The following KCNJ8 variants were observed in gnomAD, a reference collection of about 807,000 sequenced individuals.
KCNJ8 encodes the protein ATP-sensitive inward rectifier potassium channel 8.
KCNJ8 carries 13 observed loss-of-function variants against 28.2 expected under a neutral mutation model. The observed-to-expected ratio is 0.46, with a 90% confidence interval of 0.30 to 0.73. The LOEUF (loss-of-function observed/expected upper bound fraction) is 0.73. KCNJ8 is among the 30% of genes least tolerant of loss of function. The probability of loss-of-function intolerance (pLI) is 0.07; values close to 1 mark genes in which losing one functional copy is unlikely to be tolerated. For missense variants in KCNJ8, 284 were observed against 542.6 expected, an observed-to-expected ratio of 0.52 and a Z score of 4.73; for synonymous variants, 188 against 195.9, an observed-to-expected ratio of 0.96 and a Z score of 0.34.
chr12:21,771,889 A>T (rs1415510000), intron 2 of KCNJ8, among the ~76,000 whole-genome samples: 2 of 152,166 alleles, frequency 1.3e-5, no homozygotes, highest in Non-Finnish European at 2.9e-5. Flanking sequence ...TGTTTTCTTT[A>T]TATCTGGTAT....
In KCNJ8 at chr12:21,765,524, C is replaced by CA; in HGVS notation, c.*198dup. 1 of 617,476 alleles carries CA rather than the reference C, an allele frequency of 1.6e-6. No individual in the cohort carries two copies. Among genetic ancestry groups the CA allele is most frequent in the Non-Finnish European group, 2.9e-6 (1 of 346,912 alleles). The allele number at this position is 617,476 out of a possible 1,614,324, so 38.2% of individuals were successfully genotyped here. A position where few individuals can be genotyped will look rare whatever the true frequency, so the allele number is the denominator to read the frequency against. On this transcript the variant is annotated 3_prime_UTR_variant, in exon 3 of 3. Coordinates refer to ENST00000240662, the MANE Select transcript of KCNJ8 (RefSeq NM_004982.4). ...CACTGCGAATTCTACATGTATGAAACAAGCATAAGCCATGAATCCTCCACT... is the reference window on the plus strand; with the variant it reads ...CACTGCGAATTCTACATGTATGAAACAAAGCATAAGCCATGAATCCTCCACT...
In KCNJ8 at chr12:21,764,999, T is replaced by C. The variant is rs546947894; in HGVS notation, c.*724A>G. On this transcript the variant is annotated 3_prime_UTR_variant, in exon 3 of 3. Transcript: ENST00000240662. ...TAAAATATTCAATACAGTATTTCCC[T>C]GTGGGGATTCTAGAAGAAGAAGTGA... 3 of 153,132 alleles carry C rather than the reference T, an allele frequency of 2.0e-5. No individual in the cohort carries two copies. The highest frequency in any genetic ancestry group is 4.4e-5 in the Non-Finnish European group (3 of 68,650). 9.5% of individuals were successfully genotyped at this position (153,132 alleles called of 1,614,324 possible). A position where few individuals can be genotyped will look rare whatever the true frequency, so the allele number is the denominator to read the frequency against.
chr12:21,770,827 G>GA (rs1565660922), intron 2 of KCNJ8, among the ~76,000 whole-genome samples: 1 of 152,096 alleles, frequency 6.6e-6, no homozygotes, highest in Non-Finnish European at 1.5e-5. Flanking sequence ...TAACTTTATA[G>GA]AAGACAAGCC....
chr12:21,765,398 G>T lies in KCNJ8; in HGVS notation c.*325C>A. Reference sequence around the variant, plus strand: ...AGCATTTCAAACAGACTCATTTCTTGACCAAATTTTGTGCTCAAGGCCTGT... The same window carrying T: ...AGCATTTCAAACAGACTCATTTCTTTACCAAATTTTGTGCTCAAGGCCTGT... On this transcript the variant is annotated 3_prime_UTR_variant, in exon 3 of 3. Coordinates refer to ENST00000240662, the MANE Select transcript of KCNJ8 (RefSeq NM_004982.4). The T allele has an allele frequency of 2.6e-6, 1 of 389,072 alleles. No homozygotes were observed. The allele number at this position is 389,072 out of a possible 1,614,324, so 24.1% of individuals were successfully genotyped here. A position where few individuals can be genotyped will look rare whatever the true frequency, so the allele number is the denominator to read the frequency against.
Position 21,773,309 on chromosome 12 carries a change from G to C in KCNJ8, c.308C>G (p.Ala103Gly). The change falls in exon 2 of 3, where the codon GCT becomes GGT. Residue 103 changes from alanine (A) to glycine (G), a missense_variant. Ala to Gly is a moderately conservative substitution (Grantham distance 60). Coordinates refer to ENST00000240662, the MANE Select transcript of KCNJ8 (RefSeq NM_004982.4). The surrounding 1 kb of genome is among the most constrained non-coding windows in gnomAD (Gnocchi z 4.6). ...LVAFAHGDIY[A>G]YMEKSGMEKS... ...CTCCATTCCACTTTTCTCCATGTAAGCATAGATGTCCCCATGGGCAAAGGC... is the reference window on the plus strand; with the variant it reads ...CTCCATTCCACTTTTCTCCATGTAACCATAGATGTCCCCATGGGCAAAGGC... The C allele has an allele frequency of 6.2e-7, 1 of 1,614,078 alleles. No individual in the cohort carries two copies. The highest frequency in any genetic ancestry group is 8.5e-7 in the Non-Finnish European group (1 of 1,179,996).
chr12:21,769,340 G>C (rs1803214226), intron 2 of KCNJ8, among the ~76,000 whole-genome samples: 2 of 151,874 alleles, frequency 1.3e-5, no homozygotes, highest in African/African-American at 4.9e-5. Flanking sequence ...CCACTGCTGA[G>C]ACTTACTGCT....
intron 2 of KCNJ8, among the ~76,000 whole-genome samples, chr12:21,771,943 A>C (rs960550726): frequency 1.3e-5 from 2 of 152,186 alleles, no homozygotes; most frequent in African/African-American, 4.8e-5. Context: ...TTGAGACAAC[A>C]GTTTGTGAGA....
Position 21,766,234 on chromosome 12 carries a change from T to C in KCNJ8, c.764A>G (p.Glu255Gly). The C allele has an allele frequency of 6.2e-7, 1 of 1,614,104 alleles. No individual in the cohort carries two copies. The highest frequency in any genetic ancestry group is 8.5e-7 in the Non-Finnish European group (1 of 1,180,018). Reference sequence around the variant, plus strand: ...GGCCACCAGAAAAATGTTATTGCTCTCGATTGGGTTATCAACAGGAATGTC... The same window carrying C: ...GGCCACCAGAAAAATGTTATTGCTCCCGATTGGGTTATCAACAGGAATGTC... The part of the protein sequence containing the change: ...QLDIPVDNPI[E>G]SNNIFLVAPL... Residue 255 changes from glutamate to glycine, a missense_variant, in exon 3 of 3, where the codon GAG becomes GGG. Around this residue, in one of 8 missense-constraint regions of KCNJ8, gnomAD observed 107 missense variants for 235.6 expected, o/e 0.45. Transcript: ENST00000240662. The surrounding 1 kb of genome is among the most constrained non-coding windows in gnomAD (Gnocchi z 6.5).
rs1940799941 is a variant in KCNJ8, at chr12:21,773,153, C to CA, written c.374+89dup. On this transcript the variant is annotated intron_variant, in intron 2 of 2. Transcript: ENST00000240662. This position sits in a 1 kb window ranked among gnomAD's most constrained non-coding sequence, Gnocchi z 4.6. ...TAAAACAAACCCTTTATTTCACTTT[C>CA]AATTAAATAACAGAATGATAAGAGA... The CA allele has an allele frequency of 7.0e-7, 1 of 1,433,680 alleles. No homozygotes were observed. Among genetic ancestry groups the CA allele is most frequent in the Non-Finnish European group, 9.7e-7 (1 of 1,029,506 alleles). The allele number at this position is 1,433,680 out of a possible 1,614,324, so 88.8% of individuals were successfully genotyped here.
At chr12:21,769,010 A>C (rs1940699149) in intron 2 of KCNJ8, among the ~76,000 whole-genome samples, 1 of 152,232 alleles carries the variant, frequency 6.6e-6, no homozygotes, top group Admixed American at 6.5e-5. Flanking sequence ...GAAAATTAGT[A>C]AAGGTGGCTG....
intron 1 of KCNJ8, 101 bp downstream of exon 1, chr12:21,774,445 T>C (rs1040668446): frequency 2.0e-5 from 3 of 149,654 alleles, no homozygotes; most frequent in South Asian, 2.1e-4. Context: ...GAAAAGTCCA[T>C]CCATCACTGC....
intron 2 of KCNJ8, among the ~76,000 whole-genome samples, chr12:21,771,165 T>C (rs1222466718): frequency 2.6e-5 from 4 of 152,210 alleles, no homozygotes; most frequent in African/African-American, 7.2e-5. Flanking sequence ...GATACAACAC[T>C]GATTTCTGAT....
At chr12:21,774,350 T>C (rs1030361445) in intron 1 of KCNJ8, among the ~76,000 whole-genome samples, 196 bp downstream of exon 1, 14 of 150,828 alleles carry the variant, frequency 9.3e-5, no homozygotes, top group East Asian at 7.8e-4. Flanking sequence ...TTTTTTTTTT[T>C]ACAACGAAGG....
chr12:21,771,914 T>A (rs1045122615), intron 2 of KCNJ8, among the ~76,000 whole-genome samples: 11 of 152,200 alleles, frequency 7.2e-5, no homozygotes, highest in African/African-American at 2.4e-4. Context: ...ATGATCTATG[T>A]TTTCCAGCTG....
At chr12:21,768,648 G>T (rs961669685) in intron 2 of KCNJ8, among the ~76,000 whole-genome samples, 1 of 152,180 alleles carries the variant, frequency 6.6e-6, no homozygotes, top group Non-Finnish European at 1.5e-5. Context: ...GTGAACAGTG[G>T]AAAGAAAAAG....
chr12:21,770,764 A>G (rs1021495181), intron 2 of KCNJ8, among the ~76,000 whole-genome samples: 1 of 152,242 alleles, frequency 6.6e-6, no homozygotes, highest in African/African-American at 2.4e-5. Context: ...TGGCTTCTTC[A>G]TAGAAACAAT....
At chr12:21,767,320 C>CG (rs1387535582) in intron 2 of KCNJ8, among the ~76,000 whole-genome samples, 2 of 114,994 alleles carry the variant, frequency 1.7e-5, no homozygotes, top group East Asian at 2.6e-4. Flanking sequence ...CCCCCCCCCC[C>CG]CCACCTCCAG....
intron 2 of KCNJ8, among the ~76,000 whole-genome samples, chr12:21,771,844 T>A (rs1322311505): frequency 6.6e-6 from 1 of 152,228 alleles, no homozygotes; most frequent in African/African-American, 2.4e-5. Context: ...TCTTAGAGTA[T>A]CTATTGAACG....
rs1389507785 is a variant in KCNJ8, at chr12:21,773,047, C to G, written c.374+196G>C. ...ACTGAAGCTCAGGTTTTCAGAGACTCTTCTCCATAAAGCTGCATTTAAAAA... is the reference window on the plus strand; with the variant it reads ...ACTGAAGCTCAGGTTTTCAGAGACTGTTCTCCATAAAGCTGCATTTAAAAA... On this transcript the variant is annotated intron_variant, in intron 2 of 2. Coordinates refer to ENST00000240662, the MANE Select transcript of KCNJ8 (RefSeq NM_004982.4). The surrounding 1 kb of genome is among the most constrained non-coding windows in gnomAD (Gnocchi z 4.6). Among the ~76,000 whole-genome samples the G allele has an allele frequency of 6.6e-6, 1 of 152,196 alleles. No homozygotes were observed. The highest frequency in any genetic ancestry group is 1.5e-5 in the Non-Finnish European group (1 of 68,028).
Sources: gnomAD v4.1 joint callset for allele counts (sites outside exome capture counted in the v4.1 genomes callset) on GRCh38, gnomAD v4.1.1 for gene constraint, gnomAD v4.1.1 regional missense constraint, Gnocchi (gnomAD v3.1) non-coding constraint, MANE v1.5 for transcripts, NCBI Gene and HGNC (gene_info 2026-07-23, HGNC 2026-07-21) for gene names.